Variants in SLC25A26 observed in about 807,000 individuals in gnomAD.
SLC25A26 encodes the protein mitochondrial S-adenosylmethionine carrier protein.
SLC25A26 carries 36 observed loss-of-function variants against 37.8 expected under a neutral mutation model. That is an observed-to-expected ratio of 0.95 (90% CI 0.73 to 1.26). SLC25A26 has a LOEUF of 1.26. Ranked by LOEUF, SLC25A26 falls within the 50% of genes most tolerant of loss-of-function variation. The pLI is 0.00. For synonymous variants in SLC25A26, 129 were observed against 122.5 expected (o/e 1.05, Z -0.35); for missense variants, 390 against 331.1 (o/e 1.18, Z -1.38).
At chr3:66,377,593 A>T (rs1365829165) in intron 9 of SLC25A26, 97 bp from the exon 10 acceptor site, 1 of 893,958 alleles carries the variant, frequency 1.1e-6, no homozygotes, top group Admixed American at 1.9e-5. Context: ...TTAGCCACTA[A>T]TGAGCATGGT....
intron 7 of SLC25A26, among the ~76,000 whole-genome samples, chr3:66,368,746 G>A (rs1259396861): frequency 6.6e-6 from 1 of 152,086 alleles, no homozygotes; most frequent in East Asian, 1.9e-4. Flanking sequence ...GGCTGGGCGT[G>A]GTGGTTCATG....
At chr3:66,252,924 G>A (rs1359076831) in intron 3 of SLC25A26, among the ~76,000 whole-genome samples, 1 of 151,626 alleles carries the variant, frequency 6.6e-6, no homozygotes, top group Non-Finnish European at 1.5e-5. Context: ...CAGAAGTAGC[G>A]GTAAGTATAC....
intron 5 of SLC25A26, among the ~76,000 whole-genome samples, chr3:66,310,039 A>C (rs565210180): frequency 2.6e-5 from 4 of 152,166 alleles, no homozygotes; most frequent in African/African-American, 9.7e-5. Context: ...GCTGAGTCCA[A>C]GTCCTGAATA....
intron 1 of SLC25A26, among the ~76,000 whole-genome samples, chr3:66,226,007 A>C (rs782502214): frequency 6.6e-6 from 1 of 152,100 alleles, no homozygotes; most frequent in African/African-American, 2.4e-5. Context: ...GAGCCCTTCA[A>C]ACTGTTCCAA....
At chr3:66,282,702 A>C (rs142278391) in intron 5 of SLC25A26, among the ~76,000 whole-genome samples, 24 of 152,312 alleles carry the variant, frequency 1.6e-4, no homozygotes, top group African/African-American at 5.3e-4. Context: ...ATTATGATTT[A>C]TTTTAAGAAT....
At chr3:66,307,741 A>G (rs2075267885) in intron 5 of SLC25A26, among the ~76,000 whole-genome samples, 1 of 152,162 alleles carries the variant, frequency 6.6e-6, no homozygotes, top group Admixed American at 6.5e-5. Flanking sequence ...TCCCAACACC[A>G]TTTATTAAAT....
intron 5 of SLC25A26, among the ~76,000 whole-genome samples, chr3:66,310,402 T>C (rs1444562933): frequency 6.6e-6 from 1 of 152,232 alleles, no homozygotes; most frequent in East Asian, 1.9e-4. Flanking sequence ...TCTTTGCATG[T>C]GATATGGGTC....
intron 5 of SLC25A26, among the ~76,000 whole-genome samples, chr3:66,276,097 G>T (rs2074135876): frequency 6.6e-6 from 1 of 152,004 alleles, no homozygotes; most frequent in South Asian, 2.1e-4. Context: ...TTTATCTGTG[G>T]GTTCGACTAC....
intron 3 of SLC25A26, among the ~76,000 whole-genome samples, chr3:66,256,690 G>GT (rs1233721078): frequency 3.3e-5 from 5 of 152,106 alleles, no homozygotes; most frequent in Admixed American, 6.5e-5. Context: ...GAGGCCAGGA[G>GT]TTTGGGACCA....
chr3:66,267,998 T>C (rs908889152), intron 5 of SLC25A26, among the ~76,000 whole-genome samples: 1 of 152,224 alleles, frequency 6.6e-6, no homozygotes, highest in Non-Finnish European at 1.5e-5. Context: ...ACTCATGTTA[T>C]ATAAGTCTCC....
At chr3:66,168,909 C>A (rs1159343422) in intron 1 of SLC25A26, among the ~76,000 whole-genome samples, 1 of 152,146 alleles carries the variant, frequency 6.6e-6, no homozygotes. Flanking sequence ...ATGGCTTGAG[C>A]CTAGGAGTTC....
intron 1 of SLC25A26, among the ~76,000 whole-genome samples, chr3:66,162,350 T>C (rs1384368960): frequency 2.0e-5 from 3 of 151,428 alleles, no homozygotes; most frequent in East Asian, 1.9e-4. Context: ...TTTTCTTTTT[T>C]TTTTTTTTTT....
intron 5 of SLC25A26, among the ~76,000 whole-genome samples, chr3:66,314,850 G>A (rs1053209795): frequency 6.6e-6 from 1 of 151,330 alleles, no homozygotes; most frequent in Non-Finnish European, 1.5e-5. Flanking sequence ...GTTCATTCTT[G>A]GGAGGGTTTA....
At chr3:66,326,678 C>T (rs796448716) in intron 5 of SLC25A26, among the ~76,000 whole-genome samples, 5 of 152,178 alleles carry the variant, frequency 3.3e-5, no homozygotes, top group African/African-American at 7.2e-5. Flanking sequence ...AGTGAGTGCA[C>T]GCACGCCTCT....
At chr3:66,244,550 C>A (rs1190664593) in intron 3 of SLC25A26, among the ~76,000 whole-genome samples, 2 of 152,112 alleles carry the variant, frequency 1.3e-5, no homozygotes, top group African/African-American at 4.8e-5. Flanking sequence ...TAACAATAGC[C>A]CACAGGGCCA....
At chr3:66,256,483 T>C (rs925978530) in intron 3 of SLC25A26, among the ~76,000 whole-genome samples, 1 of 152,190 alleles carries the variant, frequency 6.6e-6, no homozygotes, top group African/African-American at 2.4e-5. Flanking sequence ...TAAATGTGAA[T>C]TGTAGAGAAT....
intron 3 of SLC25A26, among the ~76,000 whole-genome samples, chr3:66,250,051 T>G (rs2073019595): frequency 6.6e-6 from 1 of 152,248 alleles, no homozygotes; most frequent in Non-Finnish European, 1.5e-5. Flanking sequence ...GCAGGCAGAC[T>G]TTTAAATTCC....
intron 3 of SLC25A26, among the ~76,000 whole-genome samples, chr3:66,259,925 TGGTAATACG>T (rs2073454880): frequency 1.3e-5 from 2 of 152,350 alleles, no homozygotes; most frequent in Non-Finnish European, 2.9e-5. Context: ...CTTGCTGCTT[TGGTAATACG>T]GAATGGTGTG....
intron 6 of SLC25A26, among the ~76,000 whole-genome samples, chr3:66,355,703 C>T (rs1475002856): frequency 6.6e-6 from 1 of 152,194 alleles, no homozygotes; most frequent in East Asian, 1.9e-4. Flanking sequence ...AAATTATAGG[C>T]AGCTGTTGCT....
Sources: allele counts gnomAD v4.1 joint callset (sites outside exome capture counted in the v4.1 genomes callset), GRCh38; gene constraint gnomAD v4.1.1; transcripts MANE v1.5; gene names NCBI Gene and HGNC (gene_info 2026-07-23, HGNC 2026-07-21).